FAXDC2: variants seen among roughly 807,000 people sequenced by gnomAD.
The protein encoded by FAXDC2 is fatty acid hydroxylase domain containing 2.
A neutral mutation model predicts 40.9 loss-of-function variants in FAXDC2; 41 were observed. The observed-to-expected ratio is 1.00, with a 90% CI of 0.78 to 1.30. The LOEUF (loss-of-function observed/expected upper bound fraction) is 1.30. Among genes scored for constraint, FAXDC2 ranks in the 50% most tolerant of loss-of-function variants. FAXDC2 has a pLI of 0.00. For synonymous variants in FAXDC2, 157 were observed against 149.3 expected, an observed-to-expected ratio of 1.05 and a Z score of -0.38; for missense variants, 390 against 408.8, an observed-to-expected ratio of 0.95 and a Z score of 0.40.
chr5:154,823,490 A>G lies in FAXDC2; in HGVS notation c.469T>C (p.Trp157Arg). ...AGCTCACGGCGGCAGGGGTCTCTCC[A>G]CCATTTGAGGAAGGGATAGAGGAAG... ...VVFLYPFLKW[W>R]RDPCRRELPT... The change falls in exon 6 of 9, where the codon TGG becomes CGG. Residue 157 changes from tryptophan to arginine, a missense_variant. Transcript: ENST00000326080. The G allele has an allele frequency of 6.2e-7, 1 of 1,614,142 alleles. No individual in the cohort carries two copies. Among genetic ancestry groups the G allele is most frequent in the Middle Eastern group, 1.7e-4 (1 of 6,056 alleles).
At chr5:154,833,351 T>G (rs929990358) in intron 4 of FAXDC2, among the ~76,000 whole-genome samples, 2 of 140,572 alleles carry the variant, frequency 1.4e-5, no homozygotes, top group African/African-American at 5.3e-5. Flanking sequence ...TTAATTTTTG[T>G]TTTTTTTTTT....
chr5:154,842,479 C>T (rs1422931786), intron 1 of FAXDC2, among the ~76,000 whole-genome samples: 3 of 142,572 alleles, frequency 2.1e-5, no homozygotes, highest in Non-Finnish European at 3.0e-5. Context: ...GCTGGGATTA[C>T]AGGCGTGAGC....
chr5:154,823,354 G>A, intron 6 of FAXDC2, 33 bp downstream of exon 6: 1 of 1,600,502 alleles, frequency 6.2e-7, no homozygotes, highest in Non-Finnish European at 8.6e-7. Context: ...ACAGGATGAG[G>A]AGCCAGCTGT....
At chr5:154,838,069 G>T in intron 2 of FAXDC2, 62 bp downstream of exon 2, 1 of 1,111,554 alleles carries the variant, frequency 9.0e-7, no homozygotes, top group Non-Finnish European at 1.4e-6. Flanking sequence ...AGCAAGTGCA[G>T]CTATGGCAAA....
At chr5:154,835,851 G>T (rs1340474382) in intron 2 of FAXDC2, among the ~76,000 whole-genome samples, 1 of 146,838 alleles carries the variant, frequency 6.8e-6, no homozygotes, top group Admixed American at 7.0e-5. Context: ...TAAGTGCTGG[G>T]ATTACAGGAG....
chr5:154,849,171 T>C (rs1221832879), intron 1 of FAXDC2, among the ~76,000 whole-genome samples: 3 of 151,672 alleles, frequency 2.0e-5, no homozygotes, highest in Non-Finnish European at 4.4e-5. Context: ...TCCCAGCTAC[T>C]TGGGGGGCTG....
In FAXDC2 at chr5:154,821,320, T is replaced by C. The variant is rs780995046; in HGVS notation, c.785A>G (p.His262Arg). 1.2e-6 allele frequency: 2 copies of C among 1,609,830 alleles called. No individual in the cohort carries two copies. The highest frequency in any genetic ancestry group is 1.7e-4 in the Middle Eastern group (1 of 6,030). The change falls in exon 8 of 9, where the codon CAC (histidine) becomes CGC (arginine). Residue 262 changes from histidine to arginine, a missense_variant. His to Arg is a conservative substitution (Grantham distance 29). Transcript: ENST00000326080. ...SLALIITTIS[H>R]CGYHLPFLPS... ...CAGGAAGGGAAGGTGGTAGCCACAG[T>C]GGGAGATGGTGGTGATGATGAGGGC...
intron 5 of FAXDC2, among the ~76,000 whole-genome samples, chr5:154,825,512 C>A (rs1268859081): frequency 6.6e-6 from 1 of 151,420 alleles, no homozygotes; most frequent in African/African-American, 2.4e-5. Flanking sequence ...CAAAAATTAG[C>A]CAGGCATGGT....
rs556904187 is a variant in FAXDC2, at chr5:154,841,083, T to TTGG, written c.1-2906_1-2905insCCA. ...TCCTGCCAGGGAGACACTGTCTGAC[T>TTGG]TGAGAGCAGGCACCAGGATGTTTGG... is the stretch of plus-strand genomic sequence containing the variant. On this transcript the variant is annotated intron_variant, in intron 1 of 8. Transcript: ENST00000326080. Among the ~76,000 whole-genome samples the TTGG allele has an allele frequency of 4.6e-3, 707 of 152,274 alleles. 1 individual carries two copies. The highest frequency in any genetic ancestry group is 7.8e-3 in the Non-Finnish European group (528 of 68,016).
intron 5 of FAXDC2, among the ~76,000 whole-genome samples, chr5:154,828,347 C>T (rs147445870): frequency 2.0e-5 from 3 of 151,670 alleles, no homozygotes; most frequent in African/African-American, 7.3e-5. Context: ...AAATTTACCA[C>T]GTTTGTAATA....
chr5:154,825,662 A>AAAAAAAAAAAAAAAAAAAAAG (rs1760012817), intron 5 of FAXDC2, among the ~76,000 whole-genome samples: 1 of 146,922 alleles, frequency 6.8e-6, no homozygotes, highest in Non-Finnish European at 1.5e-5. Flanking sequence ...AAAAAAAAAA[A>AAAAAAAAAAAAAAAAAAAAAG]AAAAAAGCAG....
chr5:154,844,448 G>A (rs1394168041), intron 1 of FAXDC2, among the ~76,000 whole-genome samples: 3 of 151,618 alleles, frequency 2.0e-5, no homozygotes, highest in Non-Finnish European at 4.4e-5. Context: ...GACCAAAACA[G>A]AAATAAGTGC....
chr5:154,828,351 T>A (rs771219139), intron 5 of FAXDC2, among the ~76,000 whole-genome samples: 26 of 152,154 alleles, frequency 1.7e-4, no homozygotes, highest in Non-Finnish European at 2.4e-4. Flanking sequence ...TTACCACGTT[T>A]GTAATAATCT....
At chr5:154,829,423 T>C (rs1297499212) in intron 5 of FAXDC2, 3 of 154,306 alleles carry the variant, frequency 1.9e-5, no homozygotes, top group Non-Finnish European at 4.4e-5. Flanking sequence ...TGAGGTTCTT[T>C]CCTGCTTGTG....
intron 2 of FAXDC2, among the ~76,000 whole-genome samples, chr5:154,837,711 T>A (rs1404187958): frequency 6.6e-6 from 1 of 152,138 alleles, no homozygotes; most frequent in Non-Finnish European, 1.5e-5. Context: ...ACAAAGGTCC[T>A]CTGTGAAGTG....
At chr5:154,829,175 G>T (rs1362272960) in intron 5 of FAXDC2, among the ~76,000 whole-genome samples, 1 of 152,130 alleles carries the variant, frequency 6.6e-6, no homozygotes, top group African/African-American at 2.4e-5. Flanking sequence ...TTACAGGCAT[G>T]AACCACCACG....
In FAXDC2 at chr5:154,821,314, C is replaced by T. The variant is rs750502118; in HGVS notation, c.791G>A (p.Gly264Asp). Reference sequence around the variant, plus strand: ...CGAAGGCAGGAAGGGAAGGTGGTAGCCACAGTGGGAGATGGTGGTGATGAT... The same window carrying T: ...CGAAGGCAGGAAGGGAAGGTGGTAGTCACAGTGGGAGATGGTGGTGATGAT... ...ALIITTISHC[G>D]YHLPFLPSPE... Residue 264 changes from glycine to aspartate, a missense_variant, in exon 8 of 9, where the codon GGC (glycine) becomes GAC (aspartate). By Grantham distance (94) the Gly-to-Asp change is moderately conservative. Transcript: ENST00000326080. The T allele has an allele frequency of 3.1e-6, 5 of 1,611,034 alleles. No homozygotes were observed. The highest frequency in any genetic ancestry group is 2.2e-5 in the South Asian group (2 of 90,826).
At chr5:154,829,586 A>G (rs561038423) in intron 5 of FAXDC2, 3 of 154,496 alleles carry the variant, frequency 1.9e-5, no homozygotes, top group Admixed American at 6.5e-5. Flanking sequence ...ACATCTTCCA[A>G]TGTAGCTCTG....
chr5:154,838,115 A>G lies in FAXDC2; in HGVS notation c.48+16T>C. The stretch of plus-strand genomic sequence containing the variant: ...CTACATTCTCACCAGTTTGGGGGCA[A>G]GGTGCTGGCATTTACCTGCTTTGAC... On this transcript the variant is annotated intron_variant, in intron 2 of 8. Transcript: ENST00000326080. 1 of 1,569,802 alleles carries G rather than the reference A, an allele frequency of 6.4e-7. No individual in the cohort carries two copies. Among genetic ancestry groups the G allele is most frequent in the Non-Finnish European group, 8.8e-7 (1 of 1,139,980 alleles).
Sources: allele counts gnomAD v4.1 joint callset (sites outside exome capture counted in the v4.1 genomes callset), GRCh38; gene constraint gnomAD v4.1.1; transcripts MANE v1.5; gene names NCBI Gene and HGNC (gene_info 2026-07-23, HGNC 2026-07-21).